MYH2: variants seen among roughly 807,000 people sequenced by gnomAD.
MYH2 encodes myosin-2.
In MYH2, 139 loss-of-function variants were observed where a neutral mutation model predicts 228.1. That is an observed-to-expected ratio of 0.61 (90% CI 0.53 to 0.70). The LOEUF (loss-of-function observed/expected upper bound fraction) is 0.70. MYH2 is among the 30% of genes least tolerant of loss of function. The probability of loss-of-function intolerance (pLI) is 0.00; values close to 1 mark genes in which losing one functional copy is unlikely to be tolerated. For missense variants in MYH2, 1,809 were observed against 2,357.5 expected, an observed-to-expected ratio of 0.77 and a Z score of 4.82; for synonymous variants, 796 against 871.1, an observed-to-expected ratio of 0.91 and a Z score of 1.52.
intron 28 of MYH2, 48 bp from the exon 29 acceptor site, chr17:10,527,104 T>C: frequency 1.3e-6 from 2 of 1,540,124 alleles, no homozygotes; most frequent in Middle Eastern, 1.7e-4. Context: ...AAAACAAGAT[T>C]CTGCAAGCCC....
At chr17:10,529,101 A>C in intron 26 of MYH2, 22 bp from the exon 27 acceptor site, 2 of 1,614,152 alleles carry the variant, frequency 1.2e-6, no homozygotes, top group Non-Finnish European at 1.7e-6. Flanking sequence ...GGAAAATACA[A>C]ACTCAGCTTC....
At position 10,529,851 on chromosome 17, in the gene MYH2, T is replaced by C; in HGVS notation, c.2921A>G (p.Lys974Arg). Reference protein sequence around the residue: ...ELTLAKVEKEKHATENKVKNL... With the variant: ...ELTLAKVEKERHATENKVKNL... Reference sequence around the variant, plus strand: ...TGATACCTTGTTTTCTGTGGCATGTTTCTCCTTCTCAACCTTGGCCAGTGT... The same window carrying C: ...TGATACCTTGTTTTCTGTGGCATGTCTCTCCTTCTCAACCTTGGCCAGTGT... The change falls in exon 23 of 40, where the codon AAA becomes AGA. Residue 974 changes from lysine to arginine, a missense_variant. By Grantham distance (26) the Lys-to-Arg change is conservative (BLOSUM62 2). Coordinates refer to ENST00000245503, the MANE Select transcript of MYH2 (RefSeq NM_017534.6). The C allele has an allele frequency of 6.2e-7, 1 of 1,613,920 alleles. No homozygotes were observed.
intron 2 of MYH2, among the ~76,000 whole-genome samples, chr17:10,548,636 T>G (rs1330492935): frequency 6.6e-6 from 1 of 152,160 alleles, no homozygotes; most frequent in African/African-American, 2.4e-5. Flanking sequence ...TTAACCCCCT[T>G]AAACTAATTA....
chr17:10,529,277 A>G (rs762024682), intron 25 of MYH2, 25 bp from the exon 26 acceptor site: 21 of 1,614,084 alleles, frequency 1.3e-5, no homozygotes, highest in Non-Finnish European at 1.8e-5. Context: ...GCAAAGGACA[A>G]CAATTTAGTC....
chr17:10,543,614 T>C (rs2073586823), intron 8 of MYH2, 97 bp downstream of exon 8: 9 of 1,516,586 alleles, frequency 5.9e-6, no homozygotes, highest in East Asian at 4.5e-5. Context: ...AATGATGTAA[T>C]AGAATGGGAA....
At chr17:10,532,964 C>T (rs951864589) in intron 21 of MYH2, among the ~76,000 whole-genome samples, 7 of 152,084 alleles carry the variant, frequency 4.6e-5, no homozygotes, top group East Asian at 1.9e-4. Flanking sequence ...GGTCAATGTC[C>T]CTTATCTAAT....
chr17:10,543,875 G>A, intron 7 of MYH2, 27 bp downstream of exon 7: 2 of 1,614,128 alleles, frequency 1.2e-6, no homozygotes, highest in Non-Finnish European at 1.7e-6. Flanking sequence ...ACAGAGTCTG[G>A]ATTCTGACTG....
chr17:10,530,533 A>ATT (rs374060378), intron 22 of MYH2, among the ~76,000 whole-genome samples: 59,590 of 148,766 alleles, frequency 0.4, 12,618 homozygotes, highest in East Asian at 0.82. Context: ...GCTGCTACTG[A>ATT]TTTTTTTTTT....
In MYH2 at chr17:10,524,367, G is replaced by T; in HGVS notation, c.5175+99C>A. ...TCTGTATTATTTGAAAAGAAAATTT[G>T]ATAGACATATTAGGTCTAGCTGTCT... On this transcript the variant is annotated intron_variant, in intron 35 of 39. Coordinates refer to ENST00000245503, the MANE Select transcript of MYH2 (RefSeq NM_017534.6). The surrounding 1 kb of genome is among the most constrained non-coding windows in gnomAD (Gnocchi z 4.7). 1.4e-6 allele frequency: 2 copies of T among 1,467,386 alleles called. No homozygotes were observed. Among genetic ancestry groups the T allele is most frequent in the Non-Finnish European group, 1.9e-6 (2 of 1,048,714 alleles). 90.9% of individuals were successfully genotyped at this position (1,467,386 alleles called of 1,614,324 possible).
intron 7 of MYH2, 23 bp downstream of exon 7, chr17:10,543,879 C>T: frequency 6.2e-7 from 1 of 1,614,172 alleles, no homozygotes; most frequent in Non-Finnish European, 8.5e-7. Flanking sequence ...AGTCTGGATT[C>T]TGACTGTGAC....
intron 27 of MYH2, 140 bp from the exon 28 acceptor site, chr17:10,528,014 T>C (rs1442290412): frequency 3.9e-6 from 4 of 1,014,690 alleles, no homozygotes; most frequent in South Asian, 3.3e-5. Flanking sequence ...TTATCTTATA[T>C]GTAATGTAAT....
rs76562873 is a variant in MYH2 at position 10,534,548 on chromosome 17, A to C, written c.2180+525T>G. ...ATTATTGGAGTTAACGTGTGCATCTATGAGCTAAGCTAAGTGCCTGATAAA... is the reference window on the plus strand; with the variant it reads ...ATTATTGGAGTTAACGTGTGCATCTCTGAGCTAAGCTAAGTGCCTGATAAA... On this transcript the variant is annotated intron_variant, in intron 19 of 39. Transcript: ENST00000245503. 5.7e-4 allele frequency among the ~76,000 whole-genome samples: 87 copies of C among 152,366 alleles called. No homozygotes were observed. The East Asian group carries it at 0.016, about 27-fold the overall frequency.
chr17:10,535,246 A>G (rs1322634439), intron 18 of MYH2, 32 bp downstream of exon 18: 1 of 1,613,572 alleles, frequency 6.2e-7, no homozygotes, highest in African/African-American at 1.3e-5. Context: ...TGTGGCAGTC[A>G]TCCTTTGCAC....
chr17:10,532,179 G>A (rs1248097976), intron 21 of MYH2, among the ~76,000 whole-genome samples: 2 of 152,084 alleles, frequency 1.3e-5, no homozygotes, highest in Non-Finnish European at 2.9e-5. Flanking sequence ...AAGATCTAGG[G>A]TGGAGCCTGA....
In MYH2 at chr17:10,523,101, C is replaced by A. The variant is rs989231061; in HGVS notation, c.5662G>T (p.Ala1888Ser). 9 of 1,611,060 alleles carry A rather than the reference C, an allele frequency of 5.6e-6. No homozygotes were observed. Among genetic ancestry groups the A allele is most frequent in the Non-Finnish European group, 7.6e-6 (9 of 1,177,352 alleles). Residue 1888 changes from alanine to serine, a missense_variant, in exon 39 of 40, where the codon GCT becomes TCT. Ala to Ser is a moderately conservative substitution (Grantham distance 99). Transcript: ENST00000245503. Reference sequence around the variant, plus strand: ...TTAAAAATACTTACAGCCTCCTCAGCTTGTCTCTTATAAGATTTCACTTTT... The same window carrying A: ...TTAAAAATACTTACAGCCTCCTCAGATTGTCTCTTATAAGATTTCACTTTT... ...QAKVKSYKRQ[A>S]EEAEEQSNTN... is the part of the protein sequence containing the mutation.
chr17:10,528,022 A>G (rs1318605086), intron 27 of MYH2, 148 bp from the exon 28 acceptor site: 2 of 950,036 alleles, frequency 2.1e-6, no homozygotes, highest in African/African-American at 3.3e-5. Context: ...TATGTAATGT[A>G]ATGCAGAAAA....
At chr17:10,544,315 C>T (rs891278201) in intron 5 of MYH2, among the ~76,000 whole-genome samples, 188 bp from the exon 6 acceptor site, 1 of 152,172 alleles carries the variant, frequency 6.6e-6, no homozygotes, top group African/African-American at 2.4e-5. Flanking sequence ...AAACAGAACA[C>T]CACTACTTTT....
intron 37 of MYH2, 39 bp downstream of exon 37, chr17:10,523,457 T>C (rs1158044916): frequency 6.2e-7 from 1 of 1,614,232 alleles, no homozygotes; most frequent in Non-Finnish European, 8.5e-7. Flanking sequence ...AATAAGGCAC[T>C]GAAAGCAGAT....
chr17:10,548,129 CA>C (rs771009303), intron 2 of MYH2, among the ~76,000 whole-genome samples, 189 bp from the exon 3 acceptor site: 4 of 152,130 alleles, frequency 2.6e-5, no homozygotes, highest in Non-Finnish European at 5.9e-5. Flanking sequence ...TCTGTGTACC[CA>C]ATGCCGTATT....
Sources: gnomAD v4.1 joint callset for allele counts (sites outside exome capture counted in the v4.1 genomes callset) on GRCh38, gnomAD v4.1.1 for gene constraint, Gnocchi (gnomAD v3.1) non-coding constraint, MANE v1.5 for transcripts, NCBI Gene and HGNC (gene_info 2026-07-23, HGNC 2026-07-21) for gene names.